The following ZC3H3 variants were observed in gnomAD, a reference collection of about 807,000 sequenced individuals.
ZC3H3 encodes the protein zinc finger CCCH-type containing 3, also known as zinc finger CCCH domain-containing protein 3.
ZC3H3 carries 36 observed loss-of-function variants against 77.3 expected under a neutral mutation model. That is an observed-to-expected ratio of 0.47 (90% CI 0.36 to 0.61). The LOEUF (loss-of-function observed/expected upper bound fraction) is 0.61. ZC3H3 is among the 20% of genes least tolerant of loss of function. ZC3H3 has a pLI of 0.00. For synonymous variants in ZC3H3, 626 were observed against 555.2 expected (o/e 1.13, Z -1.79); for missense variants, 1,331 against 1,312.2 (o/e 1.01, Z -0.22).
rs1335365507 is a variant in ZC3H3, at chr8:143,533,996, G to C, written c.1561+2261C>G. ...CAGCCTCACGTTGGTCTTTAACTAT[G>C]AGTTTGGCTGGGCACAGTGGCTCAC... is the stretch of plus-strand genomic sequence containing the variant. On this transcript the variant is annotated intron_variant, in intron 3 of 11. Coordinates refer to ENST00000262577, the MANE Select transcript of ZC3H3 (RefSeq NM_015117.3). This position sits in a 1 kb window ranked among gnomAD's most constrained non-coding sequence, Gnocchi z 4.0. Among the ~76,000 whole-genome samples, 2 of 151,496 alleles carry C rather than the reference G, an allele frequency of 1.3e-5. No homozygotes were observed. Among genetic ancestry groups the C allele is most frequent in the Admixed American group, 6.6e-5 (1 of 15,212 alleles).
chr8:143,438,063 C>T lies in ZC3H3; in HGVS notation c.2840G>A (p.Arg947His), dbSNP rs1412773046. The part of the protein sequence containing the change: ...DSGKPLHIKP[R>H]L ...GGCCGGTCCCTGGGGTCCTCACAGA[C>T]GTGGTTTGATGTGCAGAGGCTTCCC... The change falls in exon 12 of 12, where the codon CGT becomes CAT. Residue 947 changes from arginine (R) to histidine (H), a missense_variant. Physicochemically the swap from Arg to His is conservative, Grantham distance 29. Transcript: ENST00000262577. 9.3e-6 allele frequency: 15 copies of T among 1,611,196 alleles called. No homozygotes were observed. Among genetic ancestry groups the T allele is most frequent in the Admixed American group, 5.0e-5 (3 of 59,600 alleles).
chr8:143,477,653 T>C (rs1336956424), intron 4 of ZC3H3, among the ~76,000 whole-genome samples: 1 of 152,134 alleles, frequency 6.6e-6, no homozygotes, highest in Non-Finnish European at 1.5e-5. Flanking sequence ...CCCATCAGCC[T>C]GGGGGGCTCA....
intron 3 of ZC3H3, among the ~76,000 whole-genome samples, chr8:143,509,770 C>T (rs12542952): frequency 0.18 from 28,152 of 152,186 alleles, 2,900 homozygotes; most frequent in Non-Finnish European, 0.24. Flanking sequence ...CCTCGGGCCC[C>T]GGGGGTTCAT....
intron 4 of ZC3H3, among the ~76,000 whole-genome samples, chr8:143,483,965 C>G (rs902962043): frequency 3.3e-5 from 5 of 152,254 alleles, no homozygotes; most frequent in African/African-American, 7.2e-5. Flanking sequence ...AGCCGCTTGG[C>G]TTTCCAGGAT....
chr8:143,451,771 G>A (rs147732557), intron 9 of ZC3H3, among the ~76,000 whole-genome samples: 10,806 of 147,688 alleles, frequency 0.073, 551 homozygotes, highest in Non-Finnish European at 0.11. Flanking sequence ...GTGACAAAGT[G>A]AGACTCTGCC....
intron 1 of ZC3H3, among the ~76,000 whole-genome samples, 154 bp downstream of exon 1, chr8:143,541,222 G>A (rs559124412): frequency 6.6e-6 from 1 of 152,320 alleles, no homozygotes; most frequent in Admixed American, 6.5e-5. Context: ...CCCTGAGCCG[G>A]CCCACAAGTC....
chr8:143,441,202 G>GC lies in ZC3H3; in HGVS notation c.2308-83dup, dbSNP rs574429455. On this transcript the variant is annotated intron_variant, in intron 9 of 11. Transcript: ENST00000262577. ...GGGAAGGCAAGGAGAGCCAGGCCAG[G>GC]CCCCCCGAGTACCCACGGGGCCCCA... 3,623 of 1,324,420 alleles carry GC rather than the reference G, an allele frequency of 2.7e-3. 4 individuals are homozygous for GC. The highest frequency in any genetic ancestry group is 3.2e-3 in the Non-Finnish European group (3,314 of 1,038,150). 82.0% of individuals were successfully genotyped at this position (1,324,420 alleles called of 1,614,324 possible).
At chr8:143,488,769 A>G (rs900093957) in intron 4 of ZC3H3, among the ~76,000 whole-genome samples, 2 of 152,254 alleles carry the variant, frequency 1.3e-5, no homozygotes, top group African/African-American at 4.8e-5. Context: ...ACTTCTGCAA[A>G]CATCCTCACG....
chr8:143,500,332 G>A (rs951197251), intron 4 of ZC3H3, among the ~76,000 whole-genome samples: 7 of 152,194 alleles, frequency 4.6e-5, no homozygotes, highest in East Asian at 1.9e-4. Context: ...ATCCAGTGCC[G>A]GGCACTCAAC....
chr8:143,538,614 G>A lies in ZC3H3; in HGVS notation c.753C>T (p.Ser251=), dbSNP rs764035546. The change falls in exon 2 of 12, where the codon TCC becomes TCT. Residue 251 remains serine (S), a synonymous_variant. Coordinates refer to ENST00000262577, the MANE Select transcript of ZC3H3 (RefSeq NM_015117.3). The stretch of plus-strand genomic sequence containing the variant: ...GGAGCTGTGGAGCACAGCTGGCCAC[G>A]GAATGAGAACCCAGCTTCCGGCCCA... The part of the protein sequence containing the change: ...VALGRKLGSH[S]VASCAPQLLG... The A allele has an allele frequency of 9.3e-6, 15 of 1,609,446 alleles. 1 individual carries two copies. Among genetic ancestry groups the A allele is most frequent in the Middle Eastern group, 1.6e-4 (1 of 6,082 alleles).
chr8:143,440,363 C>T lies in ZC3H3; in HGVS notation c.2493G>A (p.Arg831=), dbSNP rs753763545. ...TGGGGCGCTGGGATGCTGAAGGCTT[C>T]CTGCAGGGAAGGAAGGGGCAGACGT... The part of the protein sequence containing the change: ...RSRVSASHGP[R]KPSASQRPTR... Residue 831 remains arginine, a splice_region_variant and synonymous_variant, in exon 11 of 12, where the codon AGG becomes AGA. Coordinates refer to ENST00000262577, the MANE Select transcript of ZC3H3 (RefSeq NM_015117.3). The T allele has an allele frequency of 6.6e-7, 1 of 1,521,088 alleles. No homozygotes were observed. The highest frequency in any genetic ancestry group is 1.4e-5 in the African/African-American group (1 of 72,406). The allele number at this position is 1,521,088 out of a possible 1,614,324, so 94.2% of individuals were successfully genotyped here.
At chr8:143,474,594 C>G (rs369312762) in intron 5 of ZC3H3, among the ~76,000 whole-genome samples, 2 of 152,226 alleles carry the variant, frequency 1.3e-5, no homozygotes, top group Non-Finnish European at 2.9e-5. Context: ...CTCTGACCCC[C>G]GCAGACCCTG....
intron 5 of ZC3H3, 114 bp from the exon 6 acceptor site, chr8:143,468,773 A>C: frequency 1.5e-6 from 2 of 1,358,710 alleles, no homozygotes; most frequent in Non-Finnish European, 2.0e-6. Flanking sequence ...GCTCAGGCAC[A>C]GCCTCCCCTC....
rs151031212 is a variant in ZC3H3, at chr8:143,529,571, A to G, written c.1561+6686T>C. 6.8e-3 allele frequency among the ~76,000 whole-genome samples: 1,037 copies of G among 152,320 alleles called. 14 individuals are homozygous for G. Among genetic ancestry groups the G allele is most frequent in the African/African-American group, 0.021 (890 of 41,574 alleles). ...TTCTGAGACCGAGAAGTCAGGAGGC[A>G]GCGTTCCAGGAAATGTCGCACCACA... On this transcript the variant is annotated intron_variant, in intron 3 of 11. Coordinates refer to ENST00000262577, the MANE Select transcript of ZC3H3 (RefSeq NM_015117.3).
In ZC3H3 at chr8:143,507,923, G is replaced by A. The variant is rs200295252; in HGVS notation, c.1562-24C>T. On this transcript the variant is annotated intron_variant, in intron 3 of 11. Coordinates refer to ENST00000262577, the MANE Select transcript of ZC3H3 (RefSeq NM_015117.3). ...CGCTGTAGAGAAAACCCAGGGCACA[G>A]ACATGGGTCAGGGAAGGCCGGCAAG... 5.5e-3 allele frequency: 8,553 copies of A among 1,561,482 alleles called. 31 individuals are homozygous for A. Among genetic ancestry groups the A allele is most frequent in the Non-Finnish European group, 6.4e-3 (7,338 of 1,147,626 alleles).
chr8:143,473,829 G>T (rs1383665705), intron 5 of ZC3H3, among the ~76,000 whole-genome samples: 1 of 152,216 alleles, frequency 6.6e-6, no homozygotes, highest in Non-Finnish European at 1.5e-5. Flanking sequence ...CTGGTGGACG[G>T]CCACAGGCGC....
chr8:143,444,724 A>T (rs1417430439), intron 9 of ZC3H3, among the ~76,000 whole-genome samples: 1 of 152,244 alleles, frequency 6.6e-6, no homozygotes, highest in Non-Finnish European at 1.5e-5. Context: ...TCAGCCTGAA[A>T]TACAGGGTTT....
chr8:143,499,469 C>T (rs919208671), intron 4 of ZC3H3, among the ~76,000 whole-genome samples: 2 of 152,230 alleles, frequency 1.3e-5, no homozygotes, highest in African/African-American at 2.4e-5. Flanking sequence ...TGCGCCCAGC[C>T]GGTGTTCAGT....
chr8:143,487,497 T>C (rs375519645), intron 4 of ZC3H3, among the ~76,000 whole-genome samples: 2 of 2,834 alleles, frequency 7.1e-4, no homozygotes, highest in Admixed American at 4.1e-3. Context: ...CACGGCCCCA[T>C]CACCACGAAG....
Sources: allele counts gnomAD v4.1 joint callset (sites outside exome capture counted in the v4.1 genomes callset), GRCh38; gene constraint gnomAD v4.1.1; non-coding constraint Gnocchi (gnomAD v3.1); transcripts MANE v1.5; gene names NCBI Gene and HGNC (gene_info 2026-07-23, HGNC 2026-07-21).